SLC38A7: variants seen among roughly 807,000 people sequenced by gnomAD.
SLC38A7 encodes the protein sodium-coupled neutral amino acid transporter 7.
A neutral mutation model predicts 50.1 loss-of-function variants in SLC38A7; 29 were observed. The observed-to-expected ratio is 0.58, with a 90% confidence interval of 0.43 to 0.79. SLC38A7 has a LOEUF of 0.79. Ranked by LOEUF, SLC38A7 falls within the 30% of genes least tolerant of loss-of-function variation. The pLI is 0.00. For missense variants in SLC38A7, 483 were observed against 610.6 expected (o/e 0.79, Z 2.20); for synonymous variants, 244 against 245.9 (o/e 0.99, Z 0.07).
Position 58,676,961 on chromosome 16 carries a change from T to C in SLC38A7, c.710+365A>G, listed in dbSNP as rs59576334. On this transcript the variant is annotated intron_variant, in intron 6 of 11. Coordinates refer to ENST00000219320, the MANE Select transcript of SLC38A7 (RefSeq NM_018231.3). ...GAGCCATTGTGCCTGGCCCCCCCCC[T>C]TTTTTTTTAATAATAAATTCACCCT... is the stretch of plus-strand genomic sequence containing the variant. Among the ~76,000 whole-genome samples, 648 of 148,572 alleles carry C rather than the reference T, an allele frequency of 4.4e-3. 8 individuals carry two copies. The highest frequency in any genetic ancestry group is 0.014 in the African/African-American group (565 of 40,336).
intron 3 of SLC38A7, among the ~76,000 whole-genome samples, chr16:58,679,103 G>A (rs2044331371): frequency 6.6e-6 from 1 of 152,316 alleles, no homozygotes; most frequent in South Asian, 2.1e-4. Flanking sequence ...CAAAAGTAAA[G>A]AGAATAGGCT....
At position 58,672,055 on chromosome 16, in the gene SLC38A7, C is replaced by T. The variant is rs752214758; in HGVS notation, c.1031+41G>A. 101 of 1,517,314 alleles carry T rather than the reference C, an allele frequency of 6.7e-5. No homozygotes were observed. The East Asian group carries it at 9.1e-4, about 14-fold the overall frequency. The allele number at this position is 1,517,314 out of a possible 1,614,324, so 94.0% of individuals were successfully genotyped here. On this transcript the variant is annotated intron_variant, in intron 9 of 11. Coordinates refer to ENST00000219320, the MANE Select transcript of SLC38A7 (RefSeq NM_018231.3). ...CAAAGGACCATGTTGGAAGCGCTCA[C>T]AGGGGCTAGGAGGGGCCCTGGGGAG...
chr16:58,673,522 C>T (rs1188712251), intron 8 of SLC38A7, among the ~76,000 whole-genome samples: 1 of 152,040 alleles, frequency 6.6e-6, no homozygotes. Context: ...GCCACCACGC[C>T]CAGCCCTAAT....
rs1245144569 is a variant in SLC38A7 at position 58,665,302 on chromosome 16, C to G, written c.*2083G>C. On this transcript the variant is annotated 3_prime_UTR_variant, in exon 12 of 12. Transcript: ENST00000219320. The stretch of plus-strand genomic sequence containing the variant: ...TCTGTGCAATGACTCCACTTACATC[C>G]CTTGACCCCCGAAACACGGCACTGG... 3.3e-5 allele frequency: 5 copies of G among 152,400 alleles called. No individual in the cohort carries two copies. The highest frequency in any genetic ancestry group is 4.8e-5 in the African/African-American group (2 of 41,436). The allele number at this position is 152,400 out of a possible 1,614,324, so 9.4% of individuals were successfully genotyped here. A position where few individuals can be genotyped will look rare whatever the true frequency, so the allele number is the denominator to read the frequency against.
chr16:58,668,744 A>T lies in SLC38A7; in HGVS notation c.1287-1257T>A, dbSNP rs2044095963. ...AAAAAAAAAAAAAAAAGACAAAAAA[A>T]AAAGAAATAAAGGGTGATTTTTTTT... On this transcript the variant is annotated intron_variant, in intron 11 of 11. Coordinates refer to ENST00000219320, the MANE Select transcript of SLC38A7 (RefSeq NM_018231.3). Among the ~76,000 whole-genome samples the T allele has an allele frequency of 6.0e-5, 9 of 151,118 alleles. No individual in the cohort carries two copies. In the South Asian group the frequency reaches 1.9e-3, roughly 31 times the overall value.
chr16:58,670,113 C>G lies in SLC38A7; in HGVS notation c.1286G>C (p.Ser429Thr). The G allele has an allele frequency of 6.2e-7, 1 of 1,614,146 alleles. No individual in the cohort carries two copies. Among genetic ancestry groups the G allele is most frequent in the Non-Finnish European group, 8.5e-7 (1 of 1,179,986 alleles). ...GATCAAGGGCTGGGTCCTGCTTTAC[C>G]TGGCTGGTTTGACCTCTTCCATCTC... ...LSEMEEVKPA[S>T]WWVLVSYGVL... Residue 429 changes from serine to threonine, a missense_variant and splice_region_variant, in exon 11 of 12, where the codon AGC becomes ACC. Physicochemically the swap from Ser to Thr is moderately conservative, Grantham distance 58. Transcript: ENST00000219320.
chr16:58,675,833 G>T, intron 8 of SLC38A7, 107 bp downstream of exon 8: 1 of 829,630 alleles, frequency 1.2e-6, no homozygotes, highest in Non-Finnish European at 1.9e-6. Context: ...TACAAGTCAT[G>T]CTGGGAATGC....
intron 10 of SLC38A7, among the ~76,000 whole-genome samples, chr16:58,670,555 T>C (rs2044139131): frequency 6.6e-6 from 1 of 152,224 alleles, no homozygotes; most frequent in Non-Finnish European, 1.5e-5. Context: ...GTGGAACTCA[T>C]GGCTGGGCAG....
At position 58,678,806 on chromosome 16, in the gene SLC38A7, C is replaced by T. The variant is rs770772701; in HGVS notation, c.359G>A (p.Trp120Ter). 6.2e-7 allele frequency: 1 copy of T among 1,614,108 alleles called. No homozygotes were observed. The highest frequency in any genetic ancestry group is 1.3e-5 in the African/African-American group (1 of 74,938). ...SNERTYQEVVWAVCGKLTGVL... is the reference protein window; with the variant it reads ...SNERTYQEVV ...ACCTGTCAGCTTGCCACACACAGCCCATACCACCTCCTGGTAGGTCCTCTC... is the reference window on the plus strand; with the variant it reads ...ACCTGTCAGCTTGCCACACACAGCCTATACCACCTCCTGGTAGGTCCTCTC... Residue 120 changes from tryptophan (W) to a stop codon, truncating the protein, a stop_gained, in exon 4 of 12, where the codon TGG becomes TAG. Transcript: ENST00000219320. LOFTEE classifies it high-confidence loss of function. This position sits in a 1 kb window ranked among gnomAD's most constrained non-coding sequence, Gnocchi z 4.0.
chr16:58,669,872 G>C (rs12598355), intron 11 of SLC38A7, among the ~76,000 whole-genome samples: 20,193 of 151,802 alleles, frequency 0.13, 1,682 homozygotes, highest in East Asian at 0.42. Flanking sequence ...CTACTCGGGA[G>C]GCTGAGGCAC....
chr16:58,683,519 C>G (rs900915348), intron 2 of SLC38A7: 1 of 152,278 alleles, frequency 6.6e-6, no homozygotes, highest in African/African-American at 2.4e-5. Flanking sequence ...TACACATCCT[C>G]TTACACATCC....
intron 2 of SLC38A7, among the ~76,000 whole-genome samples, chr16:58,683,171 C>A (rs2044427886): frequency 6.6e-6 from 1 of 152,164 alleles, no homozygotes; most frequent in Non-Finnish European, 1.5e-5. Flanking sequence ...GAGCCACAGC[C>A]CCCAGCCTGG....
rs1209072511 is a variant in SLC38A7, at chr16:58,674,588, AT to A, written c.883+1351del. Among the ~76,000 whole-genome samples, 10 of 151,350 alleles carry A rather than the reference AT, an allele frequency of 6.6e-5. No individual in the cohort carries two copies. In the South Asian group the frequency reaches 2.1e-3, roughly 32 times the overall value. ...CTGTGACTGGCCTCATCGCTTTCTA[AT>A]TTTTTTTTAACTGTACTATCACACT... On this transcript the variant is annotated intron_variant, in intron 8 of 11. Transcript: ENST00000219320.
intron 11 of SLC38A7, among the ~76,000 whole-genome samples, chr16:58,668,611 C>T (rs566533241): frequency 7.0e-6 from 1 of 143,042 alleles, no homozygotes; most frequent in Non-Finnish European, 1.5e-5. Context: ...ACTCAGGAGG[C>T]TGAGGCAGGA....
At position 58,678,904 on chromosome 16, in the gene SLC38A7, GA is replaced by G; in HGVS notation, c.271-11del. The G allele has an allele frequency of 1.9e-6, 3 of 1,610,854 alleles. No individual in the cohort carries two copies. The highest frequency in any genetic ancestry group is 2.5e-6 in the Non-Finnish European group (3 of 1,179,916). On this transcript the variant is annotated splice_polypyrimidine_tract_variant and intron_variant, in intron 3 of 11. Coordinates refer to ENST00000219320, the MANE Select transcript of SLC38A7 (RefSeq NM_018231.3). The surrounding 1 kb of genome is among the most constrained non-coding windows in gnomAD (Gnocchi z 4.0). ...TGAAAACCAGCATACCCTGCAGGCA[GA>G]GGCAGAACAAGAGCTTGTGGCAAAG...
At chr16:58,674,652 A>T (rs1017555351) in intron 8 of SLC38A7, among the ~76,000 whole-genome samples, 5 of 152,034 alleles carry the variant, frequency 3.3e-5, no homozygotes, top group Non-Finnish European at 7.4e-5. Context: ...AAAAATAATA[A>T]CAATAATAAT....
In SLC38A7 at chr16:58,671,070, G is replaced by C; in HGVS notation, c.1206C>G (p.Ala402=). 2.5e-6 allele frequency: 4 copies of C among 1,609,248 alleles called. No individual in the cohort carries two copies. Among genetic ancestry groups the C allele is most frequent in the Non-Finnish European group, 3.4e-6 (4 of 1,178,090 alleles). The change falls in exon 10 of 12, where the codon GCC becomes GCG. Residue 402 remains alanine (A), a synonymous_variant. Coordinates refer to ENST00000219320, the MANE Select transcript of SLC38A7 (RefSeq NM_018231.3). The stretch of plus-strand genomic sequence containing the variant: ...CTGGGAAGACGAAGATGAAGCAGGC[G>C]GCCAGGCCTCCAATGACTGAGATCA... The part of the protein sequence containing the change: ...GKVISVIGGL[A]ACFIFVFPGL...
intron 2 of SLC38A7, chr16:58,681,743 A>C (rs2044392064): frequency 6.6e-6 from 1 of 152,180 alleles, no homozygotes; most frequent in Admixed American, 6.6e-5. Context: ...TAAGGGTTTA[A>C]GACTCAATAA....
At chr16:58,672,429 C>T (rs1250553520) in intron 8 of SLC38A7, among the ~76,000 whole-genome samples, 186 bp from the exon 9 acceptor site, 1 of 152,156 alleles carries the variant, frequency 6.6e-6, no homozygotes, top group Non-Finnish European at 1.5e-5. Context: ...GATCCCCCAT[C>T]GCTGGAAGCC....
Sources: gnomAD v4.1 joint callset for allele counts (sites outside exome capture counted in the v4.1 genomes callset) on GRCh38, gnomAD v4.1.1 for gene constraint, Gnocchi (gnomAD v3.1) non-coding constraint, MANE v1.5 for transcripts, NCBI Gene and HGNC (gene_info 2026-07-23, HGNC 2026-07-21) for gene names.